POLR3E: variants seen among roughly 807,000 people sequenced by gnomAD.
POLR3E encodes the protein DNA-directed RNA polymerase III subunit RPC5.
A neutral mutation model predicts 96.6 loss-of-function variants in POLR3E; 41 were observed. The ratio of observed to expected loss-of-function variants is 0.42; its 90% confidence interval spans 0.33 to 0.55. POLR3E has a LOEUF of 0.55. Among genes scored for constraint, POLR3E ranks in the 20% least tolerant of loss-of-function variants. The probability of loss-of-function intolerance (pLI) is 0.06; values close to 1 mark genes in which losing one functional copy is unlikely to be tolerated. For synonymous variants in POLR3E, 396 were observed against 383.6 expected, an observed-to-expected ratio of 1.03 and a Z score of -0.38; for missense variants, 849 against 952.1, an observed-to-expected ratio of 0.89 and a Z score of 1.43.
intron 12 of POLR3E, among the ~76,000 whole-genome samples, 165 bp downstream of exon 12, chr16:22,317,371 G>A (rs930678313): frequency 1.3e-5 from 2 of 152,252 alleles, no homozygotes; most frequent in Non-Finnish European, 2.9e-5. Context: ...AACGCAGGAC[G>A]GCAGTGCGGC....
At chr16:22,298,602 C>A (rs1257709836) in intron 1 of POLR3E, among the ~76,000 whole-genome samples, 4 of 152,128 alleles carry the variant, frequency 2.6e-5, no homozygotes, top group African/African-American at 4.8e-5. Context: ...CAAGCTCTTA[C>A]CCACTTAACC....
At chr16:22,327,854 C>A (rs1009290824) in intron 18 of POLR3E, 3 of 152,260 alleles carry the variant, frequency 2.0e-5, no homozygotes, top group Non-Finnish European at 4.4e-5. Context: ...GGAGGCCTCA[C>A]AGGGCTTTTA....
rs530220765 is a variant in POLR3E, at chr16:22,303,014, G to A, written c.36+10G>A. ...CCCAGTTGTACAGGAGGTAACTGCTGCTCTCTGTCCCCTGCCGCCGGGGCT... is the reference window on the plus strand; with the variant it reads ...CCCAGTTGTACAGGAGGTAACTGCTACTCTCTGTCCCCTGCCGCCGGGGCT... On this transcript the variant is annotated intron_variant, in intron 2 of 20. Coordinates refer to ENST00000299853, the MANE Select transcript of POLR3E (RefSeq NM_018119.4). 6.9e-5 allele frequency: 112 copies of A among 1,613,428 alleles called. 1 individual carries two copies. The East Asian group carries it at 9.6e-4, about 14-fold the overall frequency.
At chr16:22,319,006 C>T (rs1036639884) in intron 13 of POLR3E, 60 bp downstream of exon 13, 9 of 1,302,120 alleles carry the variant, frequency 6.9e-6, no homozygotes, top group Admixed American at 2.1e-5. Context: ...CAGAGCTTCA[C>T]TCTTGTTGCC....
intron 18 of POLR3E, 88 bp downstream of exon 18, chr16:22,326,366 C>A: frequency 8.6e-7 from 1 of 1,167,552 alleles, no homozygotes; most frequent in Non-Finnish European, 1.2e-6. Flanking sequence ...CACGGGAGGC[C>A]ATGCTTGGTG....
intron 9 of POLR3E, 145 bp downstream of exon 9, chr16:22,315,353 A>G: frequency 1.2e-6 from 1 of 852,398 alleles, no homozygotes; most frequent in Non-Finnish European, 1.8e-6. Context: ...GGCAGTTTAC[A>G]CTTCACTCCA....
At chr16:22,316,885 G>A (rs2048366462) in intron 10 of POLR3E, 110 bp from the exon 11 acceptor site, 5 of 1,203,036 alleles carry the variant, frequency 4.2e-6, no homozygotes, top group Non-Finnish European at 4.9e-6. Context: ...GCTGGGGGAG[G>A]GCGGGGGTGG....
chr16:22,321,790 T>G (rs1461871753), intron 13 of POLR3E, among the ~76,000 whole-genome samples: 1 of 152,218 alleles, frequency 6.6e-6, no homozygotes, highest in Non-Finnish European at 1.5e-5. Flanking sequence ...TTGGGGACTG[T>G]GGGCATTTCA....
At chr16:22,327,462 G>A (rs1288565918) in intron 18 of POLR3E, 4 of 152,332 alleles carry the variant, frequency 2.6e-5, no homozygotes, top group Non-Finnish European at 2.9e-5. Context: ...GGAGTGGACA[G>A]AGGTGAGGGG....
intron 3 of POLR3E, among the ~76,000 whole-genome samples, chr16:22,305,919 AC>A (rs780402696): frequency 1.3e-5 from 2 of 152,296 alleles, no homozygotes; most frequent in South Asian, 2.1e-4. Context: ...GAATTTACAC[AC>A]CACACAGTTT....
intron 9 of POLR3E, among the ~76,000 whole-genome samples, chr16:22,316,051 C>T (rs2048349242): frequency 6.6e-6 from 1 of 152,072 alleles, no homozygotes. Context: ...GGCCAGGGCT[C>T]CCAATATTTT....
chr16:22,325,756 C>A lies in POLR3E; in HGVS notation c.1349-5C>A. The A allele has an allele frequency of 6.4e-7, 1 of 1,551,856 alleles. No homozygotes were observed. Among genetic ancestry groups the A allele is most frequent in the South Asian group, 1.2e-5 (1 of 80,624 alleles). On this transcript the variant is annotated splice_polypyrimidine_tract_variant and splice_region_variant and intron_variant, in intron 17 of 20. Transcript: ENST00000299853. ...TCCTGAGCAGTGCTGCCTCCCTCCC[C>A]GCAGGGCCTGCCGGGCTGGTCTGTG...
intron 13 of POLR3E, among the ~76,000 whole-genome samples, chr16:22,321,462 G>A (rs2048470029): frequency 6.6e-6 from 1 of 152,214 alleles, no homozygotes; most frequent in Non-Finnish European, 1.5e-5. Context: ...AGCACCTTGC[G>A]GCTGTTGTCC....
intron 2 of POLR3E, among the ~76,000 whole-genome samples, chr16:22,304,185 C>T (rs2048087286): frequency 6.6e-6 from 1 of 152,072 alleles, no homozygotes; most frequent in Admixed American, 6.5e-5. Context: ...AGGACTTAGA[C>T]CTTTGGAAGG....
chr16:22,303,116 C>T, intron 2 of POLR3E, 112 bp downstream of exon 2: 1 of 989,632 alleles, frequency 1.0e-6, no homozygotes, highest in Admixed American at 1.7e-5. Context: ...GACCCCTAAC[C>T]CTTGCTGTTC....
intron 1 of POLR3E, among the ~76,000 whole-genome samples, chr16:22,299,661 G>A (rs1470810763): frequency 6.6e-6 from 1 of 152,044 alleles, no homozygotes; most frequent in Non-Finnish European, 1.5e-5. Context: ...TGATCCGCCT[G>A]CCTCGGCCTC....
At position 22,317,199 on chromosome 16, in the gene POLR3E, G is replaced by A. The variant is rs2048374868; in HGVS notation, c.858G>A (p.Met286Ile). 1 of 1,611,988 alleles carries A rather than the reference G, an allele frequency of 6.2e-7. No individual in the cohort carries two copies. The highest frequency in any genetic ancestry group is 8.5e-7 in the Non-Finnish European group (1 of 1,179,638). ...TGGCCGATCAGATCAAGATCCTGAT[G>A]AAGAATGGTGGGTGCCTACCCCCTG... is the stretch of plus-strand genomic sequence containing the variant. ...LPLADQIKIL[M>I]KNVKVMPFAN... Residue 286 changes from methionine (M) to isoleucine (I), a missense_variant, in exon 12 of 21, where the codon ATG (methionine) becomes ATA (isoleucine). Met to Ile is a conservative substitution (Grantham distance 10, BLOSUM62 1). Coordinates refer to ENST00000299853, the MANE Select transcript of POLR3E (RefSeq NM_018119.4).
rs9932018 is a variant in POLR3E at position 22,318,345 on chromosome 16, C to T, written c.866-481C>T. Among the ~76,000 whole-genome samples, 2,877 of 152,310 alleles carry T rather than the reference C, an allele frequency of 0.019. 95 individuals are homozygous for T. The highest frequency in any genetic ancestry group is 0.065 in the African/African-American group (2,697 of 41,560). On this transcript the variant is annotated intron_variant, in intron 12 of 20. Coordinates refer to ENST00000299853, the MANE Select transcript of POLR3E (RefSeq NM_018119.4). This position sits in a 1 kb window ranked among gnomAD's most constrained non-coding sequence, Gnocchi z 5.0. ...CTGGCCTCAAGTGATCTGCCTCCCT[C>T]GGCCTCCCAAAGTGCTGTGATTACA...
Position 22,313,850 on chromosome 16 carries a change from T to A in POLR3E, c.472+123T>A. The A allele has an allele frequency of 1.4e-6, 1 of 725,144 alleles. No homozygotes were observed. Among genetic ancestry groups the A allele is most frequent in the Non-Finnish European group, 2.4e-6 (1 of 424,696 alleles). 44.9% of individuals were successfully genotyped at this position (725,144 alleles called of 1,614,324 possible). ...GGATCCCTGGCCTCTACCTACTAGA[T>A]GCCAGAAGCACCCACCCCACAGTCG... On this transcript the variant is annotated intron_variant, in intron 7 of 20. Coordinates refer to ENST00000299853, the MANE Select transcript of POLR3E (RefSeq NM_018119.4). The surrounding 1 kb of genome is among the most constrained non-coding windows in gnomAD (Gnocchi z 4.1).
Sources: gnomAD v4.1 joint callset for allele counts (sites outside exome capture counted in the v4.1 genomes callset) on GRCh38, gnomAD v4.1.1 for gene constraint, Gnocchi (gnomAD v3.1) non-coding constraint, MANE v1.5 for transcripts, NCBI Gene and HGNC (gene_info 2026-07-23, HGNC 2026-07-21) for gene names.